ZAN: variants seen among roughly 807,000 people sequenced by gnomAD.
ZAN encodes zonadhesin.
Under a neutral mutation model 286.2 loss-of-function variants are expected in ZAN, and 260 were observed. The ratio of observed to expected loss-of-function variants is 0.91; its 90% CI spans 0.82 to 1.01. The LOEUF (loss-of-function observed/expected upper bound fraction) is 1.01, where lower values mean the gene tolerates loss of function less well. Ranked by LOEUF, ZAN falls within the 50% of genes least tolerant of loss-of-function variation. ZAN has a pLI of 0.00. For synonymous variants in ZAN, 1,368 were observed against 1,417.5 expected (o/e 0.97, Z 0.79); for missense variants, 3,410 against 3,639.2 (o/e 0.94, Z 1.62).
intron 29 of ZAN, among the ~76,000 whole-genome samples, chr7:100,773,053 G>GCCCA (rs1810495274): frequency 6.6e-6 from 1 of 151,738 alleles, no homozygotes; most frequent in Non-Finnish European, 1.5e-5. Flanking sequence ...ACAGGCGTGT[G>GCCCA]CCACCACGCC....
rs190206516 is a variant in ZAN, at chr7:100,736,532, C to G, written c.156C>G (p.Asp52Glu). 3 of 1,523,992 alleles carry G rather than the reference C, an allele frequency of 2.0e-6. 1 individual carries two copies. In the Admixed American group the frequency reaches 5.2e-5, roughly 26 times the overall value. The allele number at this position is 1,523,992 out of a possible 1,614,324, so 94.4% of individuals were successfully genotyped here. ...DFEDDAKPLC[D>E]WSQVSADDED... ...AGGATGACGCCAAACCCCTCTGTGA[C>G]TGGTCCCAAGTGTCCGCAGACGATG... Residue 52 changes from aspartate (D) to glutamate (E), a missense_variant, in exon 4 of 48, where the codon GAC (aspartate) becomes GAG (glutamate). By Grantham distance (45) the Asp-to-Glu change is conservative. Transcript: ENST00000613979.
intron 41 of ZAN, 93 bp from the exon 42 acceptor site, chr7:100,792,312 T>C: frequency 6.6e-7 from 1 of 1,518,978 alleles, no homozygotes; most frequent in South Asian, 1.3e-5. Flanking sequence ...GACTGATGTC[T>C]TTCTGTTTGG....
At position 100,793,482 on chromosome 7, in the gene ZAN, C is replaced by G. The variant is rs1460052832; in HGVS notation, c.7788-338C>G. On this transcript the variant is annotated intron_variant, in intron 42 of 47. Coordinates refer to ENST00000613979, the MANE Select transcript of ZAN (RefSeq NM_003386.3). The stretch of plus-strand genomic sequence containing the variant: ...GAGACAGAGTTCGCTTTTTGTTGCC[C>G]AGACTGGAGTGCAGTGGCATGATCT... Among the ~76,000 whole-genome samples, 5 of 152,012 alleles carry G rather than the reference C, an allele frequency of 3.3e-5. No individual in the cohort carries two copies. The East Asian group carries it at 7.7e-4, about 23-fold the overall frequency.
At chr7:100,773,227 C>T in intron 29 of ZAN, 58 bp from the exon 30 acceptor site, 1 of 1,589,424 alleles carries the variant, frequency 6.3e-7, no homozygotes, top group East Asian at 2.2e-5. Flanking sequence ...TTTGATGCCC[C>T]AAGGTTTGGG....
chr7:100,785,752 G>T (rs569745750), intron 36 of ZAN, among the ~76,000 whole-genome samples: 5 of 151,838 alleles, frequency 3.3e-5, no homozygotes, highest in African/African-American at 9.7e-5. Flanking sequence ...TCTGCCTCCT[G>T]GGTTCAAGCA....
chr7:100,775,480 A>G lies in ZAN; in HGVS notation c.5932A>G (p.Lys1978Glu), dbSNP rs562846323. Residue 1978 changes from lysine (K) to glutamate (E), a missense_variant, in exon 32 of 48, where the codon AAG becomes GAG. Coordinates refer to ENST00000613979, the MANE Select transcript of ZAN (RefSeq NM_003386.3). Reference sequence around the variant, plus strand: ...CTTCAAGATCAGTGCCAAGCATGAGAAGGAGGAAGGTGGAACTGAGGCTTT... The same window carrying G: ...CTTCAAGATCAGTGCCAAGCATGAGGAGGAGGAAGGTGGAACTGAGGCTTT... ...PFFKISAKHE[K>E]EEGGTEAFRL... is the part of the protein sequence containing the mutation. 10 of 1,613,930 alleles carry G rather than the reference A, an allele frequency of 6.2e-6. No individual in the cohort carries two copies. In the African/African-American group the frequency reaches 8.0e-5, roughly 13 times the overall value.
chr7:100,763,988 C>T lies in ZAN; in HGVS notation c.4098-39C>T. The T allele has an allele frequency of 3.7e-6, 6 of 1,613,760 alleles. No individual in the cohort carries two copies. The highest frequency in any genetic ancestry group is 4.2e-6 in the Non-Finnish European group (5 of 1,179,736). On this transcript the variant is annotated intron_variant, in intron 21 of 47. Coordinates refer to ENST00000613979, the MANE Select transcript of ZAN (RefSeq NM_003386.3). This position sits in a 1 kb window ranked among gnomAD's most constrained non-coding sequence, Gnocchi z 4.6. ...CTGGGCTCCTCCAAGGCTCTACCCC[C>T]TTCCACTGCATTCCCCCTGACTTGG...
At chr7:100,761,232 C>T (rs1036120866) in intron 19 of ZAN, among the ~76,000 whole-genome samples, 3 of 152,142 alleles carry the variant, frequency 2.0e-5, no homozygotes, top group Non-Finnish European at 4.4e-5. Flanking sequence ...AGGCCAGGTG[C>T]AGGGGTTCCC....
chr7:100,788,055 C>G lies in ZAN; in HGVS notation c.7146C>G (p.Pro2382=), dbSNP rs149823200. 3.3e-5 allele frequency: 52 copies of G among 1,593,716 alleles called. No homozygotes were observed. The highest frequency in any genetic ancestry group is 3.4e-6 in the Non-Finnish European group (4 of 1,166,254). ...AAGGACGCAACAAGATGGATCCGCC[C>G]AGGAGCTCCATCTTCTTGCAGGAAG... ...LVEGRNKMDP[P]RSSIFLQEVI... Residue 2382 remains proline (P), a synonymous_variant, in exon 38 of 48, where the codon CCC becomes CCG. Coordinates refer to ENST00000613979, the MANE Select transcript of ZAN (RefSeq NM_003386.3).
chr7:100,785,308 G>A (rs1811489399), intron 36 of ZAN, among the ~76,000 whole-genome samples: 1 of 141,962 alleles, frequency 7.0e-6, no homozygotes. Context: ...TCTGCGCACT[G>A]CAATCTCTGC....
Position 100,794,015 on chromosome 7 carries a change from C to T in ZAN, c.7983C>T (p.Tyr2661=). 2.5e-6 allele frequency: 4 copies of T among 1,613,078 alleles called. No individual in the cohort carries two copies. Among genetic ancestry groups the T allele is most frequent in the Non-Finnish European group, 3.4e-6 (4 of 1,179,578 alleles). ...DCGCTSNGIY[Y]QLGSSFLTED... ...GCTGCACCAGCAATGGCATCTACTACCAGGTCTGAGCTGGCAGCAGGAGGC... is the reference window on the plus strand; with the variant it reads ...GCTGCACCAGCAATGGCATCTACTATCAGGTCTGAGCTGGCAGCAGGAGGC... Residue 2661 remains tyrosine (Y), a synonymous_variant, in exon 43 of 48, where the codon TAC becomes TAT. Coordinates refer to ENST00000613979, the MANE Select transcript of ZAN (RefSeq NM_003386.3).
chr7:100,777,209 A>G (rs1810879970), intron 34 of ZAN, among the ~76,000 whole-genome samples: 1 of 149,388 alleles, frequency 6.7e-6, no homozygotes, highest in South Asian at 2.1e-4. Context: ...ACGCCTGGCT[A>G]CTTTTTGTAG....
rs1006822979 is a variant in ZAN, at chr7:100,794,125, C to T, written c.7992C>T (p.Gly2664=). The T allele has an allele frequency of 6.2e-7, 1 of 1,613,916 alleles. No homozygotes were observed. Among genetic ancestry groups the T allele is most frequent in the Non-Finnish European group, 8.5e-7 (1 of 1,179,904 alleles). The change falls in exon 44 of 48, where the codon GGC becomes GGT. Residue 2664 remains glycine (G), a synonymous_variant. Transcript: ENST00000613979. ...CTSNGIYYQL[G]SSFLTEDCSQ... is the part of the protein sequence containing the mutation. The stretch of plus-strand genomic sequence containing the variant: ...CTGGCCCTTCCCCTTTCTAGCTGGG[C>T]AGCAGCTTTCTGACTGAGGACTGCT...
chr7:100,748,335 C>T lies in ZAN; in HGVS notation c.1114C>T (p.Gln372Ter). 2 of 1,613,966 alleles carry T rather than the reference C, an allele frequency of 1.2e-6. No individual in the cohort carries two copies. Among genetic ancestry groups the T allele is most frequent in the Non-Finnish European group, 1.7e-6 (2 of 1,179,904 alleles). ...SIAPCGEGFPQCDFEDNAHPF... is the reference protein window; with the variant it reads ...SIAPCGEGFP ...TTTTGATCCCCCAGAGGGTTTTCCT[C>T]AGTGTGACTTTGAAGACAACGCCCA... Residue 372 changes from glutamine (Q) to a stop codon, truncating the protein, a stop_gained, in exon 11 of 48, where the codon CAG (glutamine) becomes TAG (stop). Transcript: ENST00000613979. LOFTEE classifies it high-confidence loss of function.
intron 34 of ZAN, among the ~76,000 whole-genome samples, chr7:100,776,834 G>A (rs1345750683): frequency 1.5e-5 from 2 of 136,722 alleles, no homozygotes; most frequent in Non-Finnish European, 3.1e-5. Context: ...CCGGGTTCAC[G>A]CCATTCTCCT....
At position 100,794,239 on chromosome 7, in the gene ZAN, C is replaced by T. The variant is rs1812198569; in HGVS notation, c.8106C>T (p.His2702=). 1 of 1,606,816 alleles carries T rather than the reference C, an allele frequency of 6.2e-7. No individual in the cohort carries two copies. The highest frequency in any genetic ancestry group is 8.5e-7 in the Non-Finnish European group (1 of 1,175,622). ...RAGEVCTLGN[H]TQGCFPESPC... Reference sequence around the variant, plus strand: ...GGGAGGTCTGCACCCTGGGGAACCACACCCAAGGCTGCTTTCCAGGTGAAC... The same window carrying T: ...GGGAGGTCTGCACCCTGGGGAACCATACCCAAGGCTGCTTTCCAGGTGAAC... Residue 2702 remains histidine (H), a synonymous_variant, in exon 44 of 48, where the codon CAC becomes CAT. Transcript: ENST00000613979.
At position 100,797,416 on chromosome 7, in the gene ZAN, G is replaced by C; in HGVS notation, c.8317G>C (p.Val2773Leu). 2.5e-6 allele frequency: 4 copies of C among 1,613,848 alleles called. No homozygotes were observed. The highest frequency in any genetic ancestry group is 2.2e-5 in the South Asian group (2 of 91,076). ...GGGACTGCTGGTGCCTGTGGTGGTC[G>C]TACTACTGGCCGTGACCAGAGAGTG... is the stretch of plus-strand genomic sequence containing the variant. ...LLGLLVPVVVVLLAVTRECIY... is the reference protein window; with the variant it reads ...LLGLLVPVVVLLLAVTRECIY... Residue 2773 changes from valine (V) to leucine (L), a missense_variant, in exon 46 of 48, where the codon GTA becomes CTA. This residue lies in a region of ZAN where 1,289 missense variants were observed against 1,314.3 expected (regional missense o/e 0.98). Transcript: ENST00000613979.
chr7:100,795,202 C>A lies in ZAN; in HGVS notation c.8132C>A (p.Pro2711Gln). Residue 2711 changes from proline to glutamine, a missense_variant, in exon 45 of 48, where the codon CCG becomes CAG. Pro to Gln is a moderately conservative substitution (Grantham distance 76). Around this residue, in one of 7 missense-constraint regions of ZAN, gnomAD observed 1,289 missense variants for 1,314.3 expected, o/e 0.98. Coordinates refer to ENST00000613979, the MANE Select transcript of ZAN (RefSeq NM_003386.3). ...ACCCTCTCTGTCCTTGCAGAAAGCC[C>A]GTGTCTGCAGAACCCCTGTCAGAAT... ...NHTQGCFPES[P>Q]CLQNPCQNDG... 6.2e-7 allele frequency: 1 copy of A among 1,607,416 alleles called. No individual in the cohort carries two copies. Among genetic ancestry groups the A allele is most frequent in the South Asian group, 1.1e-5 (1 of 90,296 alleles).
Position 100,752,267 on chromosome 7 carries a change from C to G in ZAN, c.2162C>G (p.Thr721Arg). The change falls in exon 14 of 48, where the codon ACA becomes AGA. Residue 721 changes from threonine (T) to arginine (R), a missense_variant. Thr to Arg is a moderately conservative substitution (Grantham distance 71). Around this residue, in one of 7 missense-constraint regions of ZAN, gnomAD observed 872 missense variants for 938.9 expected, o/e 0.93. Coordinates refer to ENST00000613979, the MANE Select transcript of ZAN (RefSeq NM_003386.3). ...TCCCCAGAAAAACCCACCATCCCCA[C>G]AGAAAAACCCACCATCCCCACAGAA... ...TISPEKPTIP[T>R]EKPTIPTEKS... 1 of 1,554,226 alleles carries G rather than the reference C, an allele frequency of 6.4e-7. No homozygotes were observed. Among genetic ancestry groups the G allele is most frequent in the East Asian group, 2.4e-5 (1 of 41,788 alleles).
Sources: allele counts gnomAD v4.1 joint callset (sites outside exome capture counted in the v4.1 genomes callset), GRCh38; gene constraint gnomAD v4.1.1; regional missense constraint gnomAD v4.1.1; non-coding constraint Gnocchi (gnomAD v3.1); transcripts MANE v1.5; gene names NCBI Gene and HGNC (gene_info 2026-07-23, HGNC 2026-07-21).